Variants in UTP6 observed in about 807,000 individuals in gnomAD.
The protein encoded by UTP6 is UTP6 small subunit processome component, also known as U3 small nucleolar RNA-associated protein 6 homolog.
A neutral mutation model predicts 96.5 loss-of-function variants in UTP6; 60 were observed. The ratio of observed to expected loss-of-function variants is 0.62; its 90% CI spans 0.51 to 0.77. UTP6 has a LOEUF of 0.77. UTP6 is among the 30% of genes least tolerant of loss of function. The pLI is 0.00. For missense variants in UTP6, 637 were observed against 706.5 expected (o/e 0.90, Z 1.12); for synonymous variants, 215 against 240.1 (o/e 0.90, Z 0.96).
chr17:31,900,899 G>C (rs1429923883), intron 1 of UTP6, among the ~76,000 whole-genome samples: 1 of 152,130 alleles, frequency 6.6e-6, no homozygotes, highest in African/African-American at 2.4e-5. Flanking sequence ...ACACTGCTTT[G>C]TTTTGTGTTT....
intron 10 of UTP6, among the ~76,000 whole-genome samples, chr17:31,881,794 G>A (rs1160519510): frequency 6.6e-6 from 1 of 151,860 alleles, no homozygotes; most frequent in Non-Finnish European, 1.5e-5. Context: ...CCCAGGCTCA[G>A]GTGATCCTCC....
At chr17:31,888,848 G>A (rs955991697) in intron 7 of UTP6, among the ~76,000 whole-genome samples, 1 of 152,134 alleles carries the variant, frequency 6.6e-6, no homozygotes, top group African/African-American at 2.4e-5. Flanking sequence ...GAGGCGGGCG[G>A]ATGACCAGGT....
In UTP6 at chr17:31,874,099, A is replaced by T. The variant is rs750372663; in HGVS notation, c.1306-346T>A. ...GAAATATTTCATGTAGTTATCATCA[A>T]TCATCTTTTAGTTAAGTAAGTAATT... is the stretch of plus-strand genomic sequence containing the variant. On this transcript the variant is annotated intron_variant, in intron 14 of 18. Coordinates refer to ENST00000261708, the MANE Select transcript of UTP6 (RefSeq NM_018428.3). 180 of 230,028 alleles carry T rather than the reference A, an allele frequency of 7.8e-4. 2 individuals carry two copies. Among genetic ancestry groups the T allele is most frequent in the Middle Eastern group, 4.8e-3 (3 of 628 alleles). The allele number at this position is 230,028 out of a possible 1,614,324, so 14.2% of individuals were successfully genotyped here. A position where few individuals can be genotyped will look rare whatever the true frequency, so the allele number is the denominator to read the frequency against.
At chr17:31,891,751 G>A (rs1400648931) in intron 6 of UTP6, among the ~76,000 whole-genome samples, 1 of 152,186 alleles carries the variant, frequency 6.6e-6, no homozygotes, top group Non-Finnish European at 1.5e-5. Context: ...GGCCGGGAGT[G>A]GTGGCTCACG....
chr17:31,897,063 G>A (rs535180322), intron 2 of UTP6, among the ~76,000 whole-genome samples: 1 of 151,198 alleles, frequency 6.6e-6, no homozygotes, highest in Admixed American at 6.6e-5. Flanking sequence ...AAGGCAGGAG[G>A]ATCACTTGAG....
At chr17:31,880,468 C>T in intron 11 of UTP6, 105 bp downstream of exon 11, 1 of 1,311,158 alleles carries the variant, frequency 7.6e-7, no homozygotes, top group Non-Finnish European at 1.1e-6. Flanking sequence ...AACTATGTTA[C>T]AGAGACATCC....
At position 31,862,426 on chromosome 17, in the gene UTP6, C is replaced by T. The variant is rs900087446; in HGVS notation, c.*933G>A. ...CACAGAAAAACAATACTAAGTGAAA[C>T]GTAACAATAAGCTACACTGAAAGCT... On this transcript the variant is annotated 3_prime_UTR_variant, in exon 19 of 19. Transcript: ENST00000261708. 1.1e-4 allele frequency: 17 copies of T among 152,056 alleles called. No individual in the cohort carries two copies. The highest frequency in any genetic ancestry group is 3.4e-4 in the African/African-American group (14 of 41,382). 9.4% of individuals were successfully genotyped at this position (152,056 alleles called of 1,614,324 possible).
chr17:31,895,445 A>C (rs1306514825), intron 2 of UTP6, among the ~76,000 whole-genome samples: 3 of 152,192 alleles, frequency 2.0e-5, no homozygotes, highest in African/African-American at 7.2e-5. Context: ...TCATTCCCAA[A>C]CATGACTTTG....
chr17:31,895,433 T>TCA (rs1169442280), intron 2 of UTP6, among the ~76,000 whole-genome samples: 4 of 152,228 alleles, frequency 2.6e-5, no homozygotes, highest in Non-Finnish European at 4.4e-5. Flanking sequence ...TTGACTTTGT[T>TCA]ATCATTCCCA....
At chr17:31,891,603 C>G (rs573601323) in intron 6 of UTP6, among the ~76,000 whole-genome samples, 56 of 152,278 alleles carry the variant, frequency 3.7e-4, no homozygotes, top group African/African-American at 1.3e-3. Flanking sequence ...TACTCTGTAC[C>G]AGCACTCTTC....
chr17:31,893,734 C>CAA (rs3084042), intron 4 of UTP6, among the ~76,000 whole-genome samples: 12 of 84,452 alleles, frequency 1.4e-4, no homozygotes, highest in African/African-American at 2.1e-4. Flanking sequence ...CATCCCCCAC[C>CAA]AAAAAAAAAA....
At chr17:31,901,482 C>T in intron 1 of UTP6, 54 bp downstream of exon 1, 1 of 1,581,492 alleles carries the variant, frequency 6.3e-7, no homozygotes, top group Admixed American at 1.7e-5. Flanking sequence ...GCCACACACT[C>T]CCAACCTCCC....
intron 1 of UTP6, chr17:31,901,218 T>G: frequency 3.0e-6 from 1 of 328,732 alleles, no homozygotes. Context: ...TATCAAAATA[T>G]TTAATTTGTC....
intron 1 of UTP6, among the ~76,000 whole-genome samples, chr17:31,900,261 C>G (rs2142330832): frequency 6.6e-6 from 1 of 152,262 alleles, no homozygotes; most frequent in Middle Eastern, 3.4e-3. Flanking sequence ...ACCAGCAAAG[C>G]AAATACAATT....
intron 7 of UTP6, chr17:31,887,568 C>T: frequency 2.9e-6 from 1 of 348,830 alleles, no homozygotes; most frequent in Non-Finnish European, 5.3e-6. Flanking sequence ...TGCTGCCTGG[C>T]CTGAAACAAC....
intron 17 of UTP6, among the ~76,000 whole-genome samples, 163 bp downstream of exon 17, chr17:31,867,875 TGAACCTGG>T (rs545430138): frequency 6.6e-4 from 100 of 151,926 alleles, no homozygotes; most frequent in Non-Finnish European, 1.1e-3. Context: ...GAGAATCACT[TGAACCTGG>T]GAGATGGAGG....
chr17:31,868,084 CA>C lies in UTP6; in HGVS notation c.1524del (p.Asp509ThrfsTer6). 6.2e-7 allele frequency: 1 copy of C among 1,613,382 alleles called. No homozygotes were observed. The highest frequency in any genetic ancestry group is 8.5e-7 in the Non-Finnish European group (1 of 1,179,622). On this transcript the variant is annotated frameshift_variant, in exon 17 of 19. Transcript: ENST00000261708. LOFTEE classifies it high-confidence loss of function. ...KSLQESRPFSVDFFRKMIQFE... is the reference protein window; with the variant it reads ...KSLQESRPFSXDFFRKMIQFE... ...AACTGAATCATTTTCCTGAAAAAGT[CA>C]ACTGAAAATGGTCGGCTCTCCTGTA...
At chr17:31,873,892 G>C (rs1487612673) in intron 14 of UTP6, 139 bp from the exon 15 acceptor site, 1 of 900,272 alleles carries the variant, frequency 1.1e-6, no homozygotes, top group East Asian at 2.9e-5. Context: ...CTGAAAACTA[G>C]TTAAAAAGGC....
chr17:31,866,453 G>A (rs1909820193), intron 17 of UTP6, among the ~76,000 whole-genome samples: 1 of 151,844 alleles, frequency 6.6e-6, no homozygotes, highest in African/African-American at 2.4e-5. Flanking sequence ...TTAGGGCCAG[G>A]CGCGGTGGCT....
Sources: allele counts gnomAD v4.1 joint callset (sites outside exome capture counted in the v4.1 genomes callset), GRCh38; gene constraint gnomAD v4.1.1; transcripts MANE v1.5; gene names NCBI Gene and HGNC (gene_info 2026-07-23, HGNC 2026-07-21).